Variants in ETV4 observed in about 807,000 individuals in gnomAD.
ETV4 encodes the protein ETS variant transcription factor 4.
A neutral mutation model predicts 65.9 loss-of-function variants in ETV4; 42 were observed. That is an observed-to-expected ratio of 0.64 (90% CI 0.50 to 0.82). The LOEUF (loss-of-function observed/expected upper bound fraction) is 0.82, where lower values mean the gene tolerates loss of function less well. Ranked by LOEUF, ETV4 falls within the 40% of genes least tolerant of loss-of-function variation. The pLI is 0.00. For missense variants in ETV4, 583 were observed against 630.3 expected (o/e 0.92, Z 0.80); for synonymous variants, 238 against 260.0 (o/e 0.92, Z 0.81).
Position 43,532,816 on chromosome 17 carries a change from C to T in ETV4, c.669G>A (p.Gln223=), listed in dbSNP as rs1176777776. The change falls in exon 8 of 13, where the codon CAG becomes CAA. Residue 223 remains glutamine, a synonymous_variant. Coordinates refer to ENST00000319349, the MANE Select transcript of ETV4 (RefSeq NM_001079675.5). ...LSEPCPPYPQ[Q]SFKQEYHDPL... Reference sequence around the variant, plus strand: ...GATCATGGTATTCTTGCTTAAAGCTCTGCTGGGGATAGGGTGGGCAGGGCT... The same window carrying T: ...GATCATGGTATTCTTGCTTAAAGCTTTGCTGGGGATAGGGTGGGCAGGGCT... The T allele has an allele frequency of 1.2e-6, 2 of 1,613,916 alleles. No individual in the cohort carries two copies. Among genetic ancestry groups the T allele is most frequent in the East Asian group, 2.2e-5 (1 of 44,866 alleles).
rs1044858288 is a variant in ETV4, at chr17:43,533,885, G to T, written c.357C>A (p.His119Gln). 6.2e-7 allele frequency: 1 copy of T among 1,603,462 alleles called. No individual in the cohort carries two copies. Among genetic ancestry groups the T allele is most frequent in the Non-Finnish European group, 8.5e-7 (1 of 1,175,956 alleles). ...SCSRKPPLPY[H>Q]HGEQCLYSSA... ...TGGAGTAAAGGCACTGCTCGCCATG[G>T]TGGTAGGGGAGTGGCGGCTTCCTGC... The change falls in exon 6 of 13, where the codon CAC becomes CAA. Residue 119 changes from histidine to glutamine, a missense_variant. By Grantham distance (24) the His-to-Gln change is conservative (BLOSUM62 0). Coordinates refer to ENST00000319349, the MANE Select transcript of ETV4 (RefSeq NM_001079675.5).
chr17:43,534,129 C>T (rs1170964989), intron 5 of ETV4, 144 bp from the exon 6 acceptor site: 3 of 831,730 alleles, frequency 3.6e-6, no homozygotes, highest in Non-Finnish European at 5.1e-6. Context: ...TTCTGAGACC[C>T]GCAGTGAGAC....
chr17:43,540,169 A>T (rs1044947961), intron 4 of ETV4, among the ~76,000 whole-genome samples: 8 of 152,194 alleles, frequency 5.3e-5, no homozygotes, highest in East Asian at 1.9e-4. Flanking sequence ...AAACACGATT[A>T]CAGCCAGGTG....
chr17:43,541,989 T>C (rs1224192795), intron 4 of ETV4, among the ~76,000 whole-genome samples: 5 of 152,146 alleles, frequency 3.3e-5, no homozygotes, highest in Admixed American at 3.3e-4. Flanking sequence ...TAATTCCTTT[T>C]ACTTCACTCT....
intron 4 of ETV4, among the ~76,000 whole-genome samples, chr17:43,540,474 A>G (rs891220679): frequency 6.6e-6 from 1 of 152,126 alleles, no homozygotes; most frequent in Admixed American, 6.5e-5. Flanking sequence ...ATAAAAATAA[A>G]ATAAAAACAC....
Position 43,528,311 on chromosome 17 carries a change from T to G in ETV4, c.*208A>C, listed in dbSNP as rs1181495809. On this transcript the variant is annotated 3_prime_UTR_variant, in exon 13 of 13. Coordinates refer to ENST00000319349, the MANE Select transcript of ETV4 (RefSeq NM_001079675.5). ...CAGGTGAAACCCCCAGGGGAGTTTCTGAGACTCTAGACTTGCCATTTCTCC... is the reference window on the plus strand; with the variant it reads ...CAGGTGAAACCCCCAGGGGAGTTTCGGAGACTCTAGACTTGCCATTTCTCC... The G allele has an allele frequency of 2.0e-6, 1 of 500,492 alleles. No homozygotes were observed. Among genetic ancestry groups the G allele is most frequent in the Non-Finnish European group, 3.5e-6 (1 of 282,748 alleles). 31.0% of individuals were successfully genotyped at this position (500,492 alleles called of 1,614,324 possible). A position where few individuals can be genotyped will look rare whatever the true frequency, so the allele number is the denominator to read the frequency against.
At position 43,529,932 on chromosome 17, in the gene ETV4, G is replaced by A; in HGVS notation, c.907C>T (p.Leu303=). Residue 303 remains leucine (L), a synonymous_variant, in exon 10 of 13, where the codon CTG becomes TTG. Transcript: ENST00000319349. ...GAMGYGYEKP[L]RPFPDDVCVV... ...CAGACATCATCTGGGAATGGTCGCA[G>A]AGGTTTCTCATAGCCATAGCCTTGT... 6.2e-7 allele frequency: 1 copy of A among 1,614,212 alleles called. No individual in the cohort carries two copies. Among genetic ancestry groups the A allele is most frequent in the Non-Finnish European group, 8.5e-7 (1 of 1,180,038 alleles).
chr17:43,528,750 GGA>G lies in ETV4; in HGVS notation c.1231-9_1231-8del, dbSNP rs749592122. 7 of 1,612,452 alleles carry G rather than the reference GGA, an allele frequency of 4.3e-6. No individual in the cohort carries two copies. The African/African-American group carries it at 9.3e-5, about 22-fold the overall frequency. ...CGTAACGCTCACCAGCCACCTATGGGGAGAGAGAAGGTCTGGTCAGCCTGGCT... is the reference window on the plus strand; with the variant it reads ...CGTAACGCTCACCAGCCACCTATGGGGAGAGAAGGTCTGGTCAGCCTGGCT... On this transcript the variant is annotated splice_polypyrimidine_tract_variant and splice_region_variant and intron_variant, in intron 12 of 12. Transcript: ENST00000319349.
intron 4 of ETV4, among the ~76,000 whole-genome samples, chr17:43,542,174 G>A (rs944511027): frequency 2.0e-5 from 3 of 152,100 alleles, no homozygotes; most frequent in Non-Finnish European, 2.9e-5. Context: ...CAGATCGATC[G>A]ATCCCTTTGA....
intron 2 of ETV4, 43 bp from the exon 3 acceptor site, chr17:43,545,410 C>T (rs1362914635): frequency 6.6e-7 from 1 of 1,509,528 alleles, no homozygotes; most frequent in Non-Finnish European, 9.0e-7. Flanking sequence ...CCCTGAGGCG[C>T]TTAGTCTGGG....
At chr17:43,540,079 T>C (rs900994291) in intron 4 of ETV4, among the ~76,000 whole-genome samples, 3 of 152,208 alleles carry the variant, frequency 2.0e-5, no homozygotes, top group African/African-American at 7.2e-5. Context: ...CCAGCACACA[T>C]CTTTTCAGGA....
In ETV4 at chr17:43,532,838, G is replaced by C. The variant is rs1429973238; in HGVS notation, c.647C>G (p.Pro216Arg). The change falls in exon 8 of 13, where the codon CCC (proline) becomes CGC (arginine). Residue 216 changes from proline to arginine, a missense_variant. By Grantham distance (103) the Pro-to-Arg change is moderately radical. Coordinates refer to ENST00000319349, the MANE Select transcript of ETV4 (RefSeq NM_001079675.5). ...GCTCTGCTGGGGATAGGGTGGGCAGGGCTCCGACAGCTGGTGTTGGTAGGG... is the reference window on the plus strand; with the variant it reads ...GCTCTGCTGGGGATAGGGTGGGCAGCGCTCCGACAGCTGGTGTTGGTAGGG... ...PAPYQHQLSE[P>R]CPPYPQQSFK... The C allele has an allele frequency of 1.2e-6, 2 of 1,613,846 alleles. No individual in the cohort carries two copies. The highest frequency in any genetic ancestry group is 1.7e-6 in the Non-Finnish European group (2 of 1,179,862).
Position 43,530,088 on chromosome 17 carries a change from G to A in ETV4, c.886+19C>T, listed in dbSNP as rs1046551303. 4 of 1,606,692 alleles carry A rather than the reference G, an allele frequency of 2.5e-6. No homozygotes were observed. In the Admixed American group the frequency reaches 5.2e-5, roughly 21 times the overall value. On this transcript the variant is annotated intron_variant, in intron 9 of 12. Coordinates refer to ENST00000319349, the MANE Select transcript of ETV4 (RefSeq NM_001079675.5). ...CCCCCAACATGGAGGGCTTGGCAGG[G>A]GAAGGGGGGCTGCCTTACCCATGGC...
At chr17:43,534,442 C>T (rs1971128615) in intron 5 of ETV4, among the ~76,000 whole-genome samples, 1 of 152,050 alleles carries the variant, frequency 6.6e-6, no homozygotes. Context: ...TGCAGTGAGC[C>T]GAGATCATGC....
intron 4 of ETV4, among the ~76,000 whole-genome samples, chr17:43,542,181 T>C (rs1469275441): frequency 6.6e-6 from 1 of 152,114 alleles, no homozygotes; most frequent in Admixed American, 6.5e-5. Context: ...ATCGATCCCT[T>C]TGAGAATCTG....
Position 43,536,409 on chromosome 17 carries a change from C to A in ETV4, c.256+17G>T. On this transcript the variant is annotated intron_variant, in intron 5 of 12. Coordinates refer to ENST00000319349, the MANE Select transcript of ETV4 (RefSeq NM_001079675.5). ...TCCTCCACTCCCTATACCCTCTCCCCAGGGACCTCTACTCACGGTTTTCTG... is the reference window on the plus strand; with the variant it reads ...TCCTCCACTCCCTATACCCTCTCCCAAGGGACCTCTACTCACGGTTTTCTG... 6.2e-7 allele frequency: 1 copy of A among 1,612,660 alleles called. No homozygotes were observed.
intron 5 of ETV4, 24 bp downstream of exon 5, chr17:43,536,402 C>CT (rs1567712210): frequency 6.2e-7 from 1 of 1,610,078 alleles, no homozygotes. Context: ...TCCCTATACC[C>CT]TCTCCCCAGG....
chr17:43,530,597 T>G (rs1970866282), intron 8 of ETV4, among the ~76,000 whole-genome samples: 1 of 117,172 alleles, frequency 8.5e-6, no homozygotes, highest in Non-Finnish European at 1.8e-5. Flanking sequence ...TTCCCAGCCC[T>G]GTGCACGCGC....
At position 43,529,623 on chromosome 17, in the gene ETV4, G is replaced by T; in HGVS notation, c.1009C>A (p.Arg337Ser). 2 of 1,614,072 alleles carry T rather than the reference G, an allele frequency of 1.2e-6. No homozygotes were observed. Among genetic ancestry groups the T allele is most frequent in the Non-Finnish European group, 1.7e-6 (2 of 1,179,996 alleles). The change falls in exon 11 of 13, where the codon CGC becomes AGC. Residue 337 changes from arginine (R) to serine (S), a missense_variant. Physicochemically the swap from Arg to Ser is moderately radical, Grantham distance 110. Coordinates refer to ENST00000319349, the MANE Select transcript of ETV4 (RefSeq NM_001079675.5). ...TGCCACAGCTGCAGGGCACCCCGGC[G>T]CTGGTAGGGCGGCCCCTCTCGAAAT... is the stretch of plus-strand genomic sequence containing the variant. ...GAFREGPPYQRRGALQLWQFL... is the reference protein window; with the variant it reads ...GAFREGPPYQSRGALQLWQFL...
Sources: allele counts gnomAD v4.1 joint callset (sites outside exome capture counted in the v4.1 genomes callset), GRCh38; gene constraint gnomAD v4.1.1; transcripts MANE v1.5; gene names NCBI Gene and HGNC (gene_info 2026-07-23, HGNC 2026-07-21).